The following BUB1 variants were observed in gnomAD, a reference collection of about 807,000 sequenced individuals.
BUB1 encodes the protein BUB1 mitotic checkpoint serine/threonine kinase.
In BUB1, 84 loss-of-function variants were observed where a neutral mutation model predicts 135.2. The observed-to-expected ratio is 0.62, with a 90% CI of 0.52 to 0.74. BUB1 has a LOEUF of 0.74. Ranked by LOEUF, BUB1 falls within the 30% of genes least tolerant of loss-of-function variation. BUB1 has a pLI of 0.00. For synonymous variants in BUB1, 403 were observed against 434.4 expected (o/e 0.93, Z 0.90); for missense variants, 1,162 against 1,288.3 (o/e 0.90, Z 1.50).
rs1172889761 is a variant in BUB1, at chr2:110,674,212, C to T, written c.99G>A (p.Trp33Ter). The change falls in exon 3 of 25, where the codon TGG (tryptophan) becomes TGA (stop). Residue 33 changes from tryptophan (W) to a stop codon, truncating the protein, a stop_gained. Transcript: ENST00000302759. LOFTEE classifies it high-confidence loss of function. The part of the protein sequence containing the change: ...PLGEWERYIQ[W>*]VEENFPENKE... ...TATTCTCAGGAAAATTCTCTTCTAC[C>T]CACTGTATGTATCTAGAAAAATATG... The T allele has an allele frequency of 6.2e-7, 1 of 1,608,176 alleles. No homozygotes were observed. The highest frequency in any genetic ancestry group is 1.7e-5 in the Admixed American group (1 of 59,774).
At chr2:110,638,335 A>G (rs530400049) in intron 24 of BUB1, among the ~76,000 whole-genome samples, 176 bp from the exon 25 acceptor site, 1 of 152,332 alleles carries the variant, frequency 6.6e-6, no homozygotes, top group African/African-American at 2.4e-5. Flanking sequence ...GAGAGAGATT[A>G]AAGACCCAAT....
At chr2:110,659,586 T>C (rs1418828467) in intron 11 of BUB1, among the ~76,000 whole-genome samples, 1 of 152,198 alleles carries the variant, frequency 6.6e-6, no homozygotes, top group Non-Finnish European at 1.5e-5. Context: ...AACCTGTGCA[T>C]CTTATTATTT....
At chr2:110,651,658 T>C (rs1689790839) in intron 17 of BUB1, among the ~76,000 whole-genome samples, 1 of 152,180 alleles carries the variant, frequency 6.6e-6, no homozygotes, top group Admixed American at 6.5e-5. Flanking sequence ...TCACGTTCAC[T>C]CACCACTCAC....
At chr2:110,657,207 C>G in intron 14 of BUB1, 90 bp from the exon 15 acceptor site, 1 of 1,071,194 alleles carries the variant, frequency 9.3e-7, no homozygotes. Flanking sequence ...CTCTACTTAT[C>G]CTATTTAATG....
intron 9 of BUB1, among the ~76,000 whole-genome samples, chr2:110,662,538 G>C (rs1009558340): frequency 6.6e-6 from 1 of 152,222 alleles, no homozygotes; most frequent in African/African-American, 2.4e-5. Flanking sequence ...GCTCAAGCCT[G>C]TAATCAATCC....
chr2:110,661,339 G>A (rs1690076781), intron 10 of BUB1: 2 of 484,068 alleles, frequency 4.1e-6, no homozygotes, highest in African/African-American at 3.9e-5. Context: ...TGACTTTCAG[G>A]TACTGAAAAT....
rs150277046 is a variant in BUB1 at position 110,669,678 on chromosome 2, C to G, written c.467-125G>C. 150 of 597,690 alleles carry G rather than the reference C, an allele frequency of 2.5e-4. 1 individual carries two copies. In the East Asian group the frequency reaches 3.8e-3, roughly 15 times the overall value. 37.0% of individuals were successfully genotyped at this position (597,690 alleles called of 1,614,324 possible). A position where few individuals can be genotyped will look rare whatever the true frequency, so the allele number is the denominator to read the frequency against. On this transcript the variant is annotated intron_variant, in intron 5 of 24. Coordinates refer to ENST00000302759, the MANE Select transcript of BUB1 (RefSeq NM_004336.5). ...TAAGAAGTAAATCAACTCATTCACA[C>G]TGTCTCAGAAATTTCAACTAAAACG...
intron 1 of BUB1, among the ~76,000 whole-genome samples, chr2:110,675,727 C>T (rs1270791884): frequency 6.6e-6 from 1 of 152,108 alleles, no homozygotes; most frequent in Non-Finnish European, 1.5e-5. Flanking sequence ...TCATGGCTCG[C>T]TGTAACCTCG....
At chr2:110,654,281 A>G (rs1277970083) in intron 16 of BUB1, among the ~76,000 whole-genome samples, 2 of 152,120 alleles carry the variant, frequency 1.3e-5, no homozygotes, top group Non-Finnish European at 2.9e-5. Flanking sequence ...CTAAATTAGC[A>G]TTTAATTTAT....
chr2:110,664,796 A>C (rs1690200988), intron 9 of BUB1, among the ~76,000 whole-genome samples: 1 of 152,210 alleles, frequency 6.6e-6, no homozygotes, highest in Non-Finnish European at 1.5e-5. Context: ...CAATAGAAAA[A>C]TGGACAAAGC....
At chr2:110,654,137 C>T (rs1317184872) in intron 16 of BUB1, among the ~76,000 whole-genome samples, 2 of 152,220 alleles carry the variant, frequency 1.3e-5, no homozygotes, top group Admixed American at 6.5e-5. Context: ...GTTACTGGTA[C>T]GGATGGCAGG....
intron 24 of BUB1, among the ~76,000 whole-genome samples, chr2:110,639,175 T>C (rs1403545255): frequency 6.6e-6 from 1 of 152,014 alleles, no homozygotes; most frequent in Non-Finnish European, 1.5e-5. Flanking sequence ...AGGAGAGCCA[T>C]CCATGTTGAC....
At position 110,649,147 on chromosome 2, in the gene BUB1, TCACACACACA is replaced by T. The variant is rs34802999; in HGVS notation, c.2347+77_2347+86del. On this transcript the variant is annotated intron_variant, in intron 19 of 24. Coordinates refer to ENST00000302759, the MANE Select transcript of BUB1 (RefSeq NM_004336.5). ...GGAGGTTGGGGGGCAAATAGGAGAA[TCACACACACA>T]CACACACACACACGTTACCATCAAC... The T allele has an allele frequency of 1.2e-5, 14 of 1,137,836 alleles. No homozygotes were observed. In the East Asian group the frequency reaches 3.1e-4, roughly 25 times the overall value. 70.5% of individuals were successfully genotyped at this position (1,137,836 alleles called of 1,614,324 possible).
chr2:110,666,012 CTATA>C (rs1384058263), intron 9 of BUB1: 1 of 339,692 alleles, frequency 2.9e-6, no homozygotes, highest in Non-Finnish European at 5.2e-6. Flanking sequence ...AGAAAAAGGT[CTATA>C]TATAAATACA....
At chr2:110,664,371 CAGA>C (rs1462071688) in intron 9 of BUB1, among the ~76,000 whole-genome samples, 1 of 152,138 alleles carries the variant, frequency 6.6e-6, no homozygotes, top group Non-Finnish European at 1.5e-5. Flanking sequence ...AACCAACAAT[CAGA>C]AGGACTCTGG....
intron 2 of BUB1, 38 bp downstream of exon 2, chr2:110,674,268 T>C (rs745854821): frequency 1.9e-6 from 3 of 1,613,278 alleles, no homozygotes; most frequent in South Asian, 1.1e-5. Context: ...GGGCAGTGTA[T>C]AGTTTGTTTA....
At chr2:110,669,321 G>A (rs1690353918) in intron 6 of BUB1, 132 bp downstream of exon 6, 1 of 656,312 alleles carries the variant, frequency 1.5e-6, no homozygotes, top group Admixed American at 2.5e-5. Context: ...GGAGCAGGTG[G>A]CTGACATGGA....
chr2:110,647,161 A>G (rs1200344711), intron 19 of BUB1, among the ~76,000 whole-genome samples: 1 of 152,216 alleles, frequency 6.6e-6, no homozygotes, highest in African/African-American at 2.4e-5. Flanking sequence ...AAAGAAGCAG[A>G]GGGAATACTT....
intron 3 of BUB1, 108 bp downstream of exon 3, chr2:110,673,978 G>C (rs992359491): frequency 6.6e-6 from 6 of 914,546 alleles, no homozygotes; most frequent in Non-Finnish European, 8.1e-6. Flanking sequence ...TGTATCTTCA[G>C]AACTAGAAAC....
Sources: gnomAD v4.1 joint callset for allele counts (sites outside exome capture counted in the v4.1 genomes callset) on GRCh38, gnomAD v4.1.1 for gene constraint, MANE v1.5 for transcripts, NCBI Gene and HGNC (gene_info 2026-07-23, HGNC 2026-07-21) for gene names.